The following ARHGAP24 variants were observed in gnomAD, a reference collection of about 807,000 sequenced individuals.
ARHGAP24 encodes Rho GTPase activating protein 24, also known as rho GTPase-activating protein 24.
ARHGAP24 carries 50 observed loss-of-function variants against 76.4 expected under a neutral mutation model. That is an observed-to-expected ratio of 0.65 (90% CI 0.52 to 0.83). ARHGAP24 has a LOEUF of 0.83. Among genes scored for constraint, ARHGAP24 ranks in the 40% least tolerant of loss-of-function variants. ARHGAP24 has a pLI of 0.00. For synonymous variants in ARHGAP24, 345 were observed against 323.3 expected (o/e 1.07, Z -0.72); for missense variants, 930 against 914.2 (o/e 1.02, Z -0.22).
chr4:85,663,611 A>G (rs1722492013), intron 2 of ARHGAP24, among the ~76,000 whole-genome samples: 1 of 149,328 alleles, frequency 6.7e-6, no homozygotes, highest in Non-Finnish European at 1.5e-5. Flanking sequence ...TTCAAAGGGA[A>G]TGCTTCCAGT....
intron 3 of ARHGAP24, among the ~76,000 whole-genome samples, chr4:85,856,516 A>G (rs1234677904): frequency 2.8e-5 from 4 of 141,264 alleles, no homozygotes; most frequent in African/African-American, 1.1e-4. Flanking sequence ...TATTGCCCAG[A>G]CTGGAGTGCA....
chr4:85,900,222 A>T (rs1254796601), intron 3 of ARHGAP24, among the ~76,000 whole-genome samples: 1 of 152,196 alleles, frequency 6.6e-6, no homozygotes, highest in African/African-American at 2.4e-5. Context: ...CATCAATATT[A>T]TCAATTATCA....
chr4:85,538,864 T>C (rs550143518), intron 1 of ARHGAP24, among the ~76,000 whole-genome samples: 11 of 152,316 alleles, frequency 7.2e-5, no homozygotes, highest in African/African-American at 2.6e-4. Flanking sequence ...GAAAGTTGAT[T>C]TTATTATACA....
chr4:85,853,560 G>C lies in ARHGAP24; in HGVS notation c.269-70088G>C, dbSNP rs550251638. Among the ~76,000 whole-genome samples the C allele has an allele frequency of 2.0e-5, 3 of 152,260 alleles. No homozygotes were observed. In the South Asian group the frequency reaches 6.2e-4, roughly 32 times the overall value. ...CAGAAATCACCCATCTTCTGCGTCT[G>C]TCACGCTGGGAGCTGCAGACTGGAG... On this transcript the variant is annotated intron_variant, in intron 3 of 9. Coordinates refer to ENST00000395184, the MANE Select transcript of ARHGAP24 (RefSeq NM_001025616.3).
At chr4:85,916,975 A>C (rs1487195082) in intron 3 of ARHGAP24, among the ~76,000 whole-genome samples, 1 of 152,126 alleles carries the variant, frequency 6.6e-6, no homozygotes, top group African/African-American at 2.4e-5. Context: ...GGTTAGTTAC[A>C]TATGTATACA....
intron 3 of ARHGAP24, among the ~76,000 whole-genome samples, chr4:85,879,904 A>G (rs1314826614): frequency 2.6e-5 from 4 of 152,102 alleles, no homozygotes; most frequent in South Asian, 2.1e-4. Context: ...TTAGATTCTC[A>G]TAAGGAGCAG....
intron 2 of ARHGAP24, among the ~76,000 whole-genome samples, chr4:85,658,674 C>T (rs1156599890): frequency 6.6e-6 from 1 of 152,164 alleles, no homozygotes; most frequent in East Asian, 1.9e-4. Flanking sequence ...GTAATATTAG[C>T]GTGTTTTCAC....
At chr4:85,592,198 A>G (rs1728142648) in intron 2 of ARHGAP24, among the ~76,000 whole-genome samples, 1 of 152,194 alleles carries the variant, frequency 6.6e-6, no homozygotes, top group Non-Finnish European at 1.5e-5. Flanking sequence ...ATATAGATTT[A>G]TAGGGTACAT....
At position 85,769,212 on chromosome 4, in the gene ARHGAP24, G is replaced by C. The variant is rs1403571346; in HGVS notation, c.268+47240G>C. 2.0e-5 allele frequency among the ~76,000 whole-genome samples: 3 copies of C among 152,164 alleles called. No homozygotes were observed. In the East Asian group the frequency reaches 5.8e-4, roughly 29 times the overall value. On this transcript the variant is annotated intron_variant, in intron 3 of 9. Coordinates refer to ENST00000395184, the MANE Select transcript of ARHGAP24 (RefSeq NM_001025616.3). ...GGTTATTTCCTAGCAGTTTCTCCCAGGTTAATGAGATTAGGGTCATTGGTG... is the reference window on the plus strand; with the variant it reads ...GGTTATTTCCTAGCAGTTTCTCCCACGTTAATGAGATTAGGGTCATTGGTG...
chr4:85,881,210 A>G (rs1300378796), intron 3 of ARHGAP24, among the ~76,000 whole-genome samples: 1 of 152,198 alleles, frequency 6.6e-6, no homozygotes, highest in Non-Finnish European at 1.5e-5. Flanking sequence ...CCATGACTCC[A>G]TGACTACACC....
At chr4:85,534,856 T>A (rs190293741) in intron 1 of ARHGAP24, among the ~76,000 whole-genome samples, 42 of 151,064 alleles carry the variant, frequency 2.8e-4, no homozygotes, top group African/African-American at 8.5e-4. Context: ...TAGGTGAACA[T>A]GCTTGCTCTA....
intron 3 of ARHGAP24, among the ~76,000 whole-genome samples, chr4:85,894,697 T>C (rs1208664571): frequency 6.6e-6 from 1 of 151,994 alleles, no homozygotes; most frequent in Admixed American, 6.6e-5. Flanking sequence ...AGGTGGCTCA[T>C]GCCTGCAATC....
chr4:85,621,801 G>A (rs1170741990), intron 2 of ARHGAP24, among the ~76,000 whole-genome samples: 2 of 152,006 alleles, frequency 1.3e-5, no homozygotes, highest in African/African-American at 4.8e-5. Context: ...CATTTTTGTT[G>A]CATTTGCTTT....
At position 85,483,432 on chromosome 4, in the gene ARHGAP24, C is replaced by T. The variant is rs551588978; in HGVS notation, c.-21+7873C>T. ...GGTGGATCACCTGAGGTCAACATGG[C>T]GAAACTCCGTCTCTACTATAAGTAC... On this transcript the variant is annotated intron_variant, in intron 1 of 9. Coordinates refer to ENST00000395184, the MANE Select transcript of ARHGAP24 (RefSeq NM_001025616.3). Among the ~76,000 whole-genome samples, 7 of 152,068 alleles carry T rather than the reference C, an allele frequency of 4.6e-5. No individual in the cohort carries two copies. In the South Asian group the frequency reaches 8.3e-4, roughly 18 times the overall value.
intron 3 of ARHGAP24, among the ~76,000 whole-genome samples, chr4:85,919,745 T>G (rs930819103): frequency 2.6e-5 from 4 of 152,204 alleles, no homozygotes; most frequent in Non-Finnish European, 5.9e-5. Flanking sequence ...CGGCTGCCAC[T>G]CACTCTAATT....
At chr4:85,717,243 CTTCT>C (rs1202310913) in intron 2 of ARHGAP24, among the ~76,000 whole-genome samples, 2 of 151,998 alleles carry the variant, frequency 1.3e-5, no homozygotes, top group African/African-American at 2.4e-5. Flanking sequence ...TTTACTCTTC[CTTCT>C]TTGTTTCCTG....
chr4:85,551,511 G>A (rs1726138614), intron 1 of ARHGAP24, among the ~76,000 whole-genome samples: 1 of 151,918 alleles, frequency 6.6e-6, no homozygotes, highest in African/African-American at 2.4e-5. Flanking sequence ...GTTGTTGTAT[G>A]TCTCCTGGGT....
At chr4:85,644,832 A>G (rs1396985542) in intron 2 of ARHGAP24, among the ~76,000 whole-genome samples, 2 of 152,080 alleles carry the variant, frequency 1.3e-5, no homozygotes, top group African/African-American at 4.8e-5. Context: ...TATGACAATT[A>G]TATATAGATG....
At chr4:85,822,523 C>T (rs534614616) in intron 3 of ARHGAP24, among the ~76,000 whole-genome samples, 2 of 152,304 alleles carry the variant, frequency 1.3e-5, no homozygotes, top group South Asian at 4.1e-4. Context: ...CAGGTAACAT[C>T]AGCAATGTAA....
Sources: allele counts gnomAD v4.1 joint callset (sites outside exome capture counted in the v4.1 genomes callset), GRCh38; gene constraint gnomAD v4.1.1; transcripts MANE v1.5; gene names NCBI Gene and HGNC (gene_info 2026-07-23, HGNC 2026-07-21).